Variants in MGAT4A observed in about 807,000 individuals in gnomAD.
The protein encoded by MGAT4A is alpha-1,3-mannosyl-glycoprotein 4-beta-N-acetylglucosaminyltransferase A.
In MGAT4A, 33 loss-of-function variants were observed where a neutral mutation model predicts 74.1. The observed-to-expected ratio is 0.45, with a 90% CI of 0.34 to 0.60. The LOEUF is 0.60. Among genes scored for constraint, MGAT4A ranks in the 20% least tolerant of loss-of-function variants. The probability of loss-of-function intolerance (pLI) is 0.02; values close to 1 mark genes in which losing one functional copy is unlikely to be tolerated. For missense variants in MGAT4A, 479 were observed against 628.3 expected (o/e 0.76, Z 2.54); for synonymous variants, 198 against 210.4 (o/e 0.94, Z 0.51).
At chr2:98,703,605 T>A (rs746515989) in intron 2 of MGAT4A, among the ~76,000 whole-genome samples, 63 of 152,166 alleles carry the variant, frequency 4.1e-4, no homozygotes, top group Non-Finnish European at 7.1e-4. Flanking sequence ...ACCCTCGGCA[T>A]AAAGCTTCCC....
At chr2:98,636,446 C>T in intron 13 of MGAT4A, 71 bp downstream of exon 13, 2 of 1,174,468 alleles carry the variant, frequency 1.7e-6, no homozygotes, top group Non-Finnish European at 2.5e-6. Flanking sequence ...CCCTTAAAAA[C>T]AAGAAAAGCT....
In MGAT4A at chr2:98,623,236, T is replaced by C. The variant is rs116991021; in HGVS notation, c.*2330A>G. The C allele has an allele frequency of 1.0e-6, 1 of 985,352 alleles. No homozygotes were observed. Among genetic ancestry groups the C allele is most frequent in the African/African-American group, 1.7e-5 (1 of 57,310 alleles). The allele number at this position is 985,352 out of a possible 1,614,324, so 61.0% of individuals were successfully genotyped here. On this transcript the variant is annotated 3_prime_UTR_variant, in exon 16 of 16. Coordinates refer to ENST00000393487, the MANE Select transcript of MGAT4A (RefSeq NM_012214.3). ...GAATGAGTTTCTTGGGAACAACAGG[T>C]GGACCAATGCTGGGAGGGCAAACTG...
intron 14 of MGAT4A, among the ~76,000 whole-genome samples, chr2:98,632,360 C>T (rs1369650603): frequency 6.6e-6 from 1 of 152,196 alleles, no homozygotes; most frequent in East Asian, 1.9e-4. Context: ...CCCCATCACA[C>T]GCCCTGAAAG....
chr2:98,655,630 G>T, intron 7 of MGAT4A, 110 bp from the exon 8 acceptor site: 2 of 683,082 alleles, frequency 2.9e-6, no homozygotes, highest in Non-Finnish European at 5.0e-6. Context: ...CTATGTATAT[G>T]TGTACACACA....
intron 2 of MGAT4A, among the ~76,000 whole-genome samples, chr2:98,705,534 G>GA (rs1298078168): frequency 6.6e-6 from 1 of 152,104 alleles, no homozygotes; most frequent in Admixed American, 6.6e-5. Context: ...GCCCTGCTCT[G>GA]GACAGTAAAT....
At chr2:98,641,098 C>A (rs1039455505) in intron 10 of MGAT4A, among the ~76,000 whole-genome samples, 1 of 152,174 alleles carries the variant, frequency 6.6e-6, no homozygotes, top group Non-Finnish European at 1.5e-5. Flanking sequence ...TGTCCTCATG[C>A]ATGGGCCTGG....
chr2:98,662,188 T>C (rs997425509), intron 5 of MGAT4A, among the ~76,000 whole-genome samples: 1 of 152,232 alleles, frequency 6.6e-6, no homozygotes, highest in Non-Finnish European at 1.5e-5. Context: ...TTTTGATAAC[T>C]ATAATATGGC....
In MGAT4A at chr2:98,625,777, T is replaced by A. The variant is rs1413188476; in HGVS notation, c.1527A>T (p.Ser509=). 1 of 1,612,718 alleles carries A rather than the reference T, an allele frequency of 6.2e-7. No homozygotes were observed. Among genetic ancestry groups the A allele is most frequent in the East Asian group, 2.2e-5 (1 of 44,802 alleles). The change falls in exon 15 of 16, where the codon TCA becomes TCT. Residue 509 remains serine (S), a synonymous_variant. Coordinates refer to ENST00000393487, the MANE Select transcript of MGAT4A (RefSeq NM_012214.3). ...GMVDPSLNPI[S]AFRLSVIQNS... Reference sequence around the variant, plus strand: ...TCTGAATAACTGAAAGTCGAAAGGCTGAAATGGGATTGAGACTTGGATCCA... The same window carrying A: ...TCTGAATAACTGAAAGTCGAAAGGCAGAAATGGGATTGAGACTTGGATCCA...
intron 2 of MGAT4A, among the ~76,000 whole-genome samples, chr2:98,685,542 T>G (rs1702117164): frequency 6.7e-6 from 1 of 150,014 alleles, no homozygotes; most frequent in African/African-American, 2.5e-5. Context: ...GAAAAAAAAA[T>G]AAAAGAACTG....
intron 4 of MGAT4A, among the ~76,000 whole-genome samples, chr2:98,666,886 G>A (rs1349083910): frequency 6.6e-6 from 1 of 152,072 alleles, no homozygotes; most frequent in Non-Finnish European, 1.5e-5. Context: ...TTTGGTTTCC[G>A]TTTTGCTTTG....
intron 2 of MGAT4A, among the ~76,000 whole-genome samples, chr2:98,681,068 C>T (rs11892511): frequency 0.017 from 2,540 of 152,218 alleles, 84 homozygotes; most frequent in African/African-American, 0.058. Context: ...CTGCAAGCTC[C>T]GCCTCCCGGG....
intron 2 of MGAT4A, among the ~76,000 whole-genome samples, chr2:98,691,346 G>A (rs912037785): frequency 5.3e-5 from 8 of 152,148 alleles, no homozygotes; most frequent in Non-Finnish European, 1.0e-4. Context: ...GAGCTGAGGC[G>A]GGAGGATCAC....
intron 2 of MGAT4A, among the ~76,000 whole-genome samples, chr2:98,716,389 G>A (rs1399897100): frequency 1.3e-5 from 2 of 150,600 alleles, no homozygotes; most frequent in Admixed American, 6.6e-5. Context: ...AGGCCAAGGC[G>A]GGTAGATCAC....
chr2:98,662,911 A>G lies in MGAT4A; in HGVS notation c.537+135T>C, dbSNP rs2104270976. ...AGTTCAATTTACATTAAACTACCAG[A>G]TAGAATATATTACCTAAGCTTTACT... is the stretch of plus-strand genomic sequence containing the variant. On this transcript the variant is annotated intron_variant, in intron 5 of 15. Transcript: ENST00000393487. 1.0e-5 allele frequency: 6 copies of G among 587,990 alleles called. No individual in the cohort carries two copies. The East Asian group carries it at 1.8e-4, about 18-fold the overall frequency. 36.4% of individuals were successfully genotyped at this position (587,990 alleles called of 1,614,324 possible).
chr2:98,647,597 G>A (rs960473108), intron 8 of MGAT4A, among the ~76,000 whole-genome samples: 1 of 152,226 alleles, frequency 6.6e-6, no homozygotes, highest in African/African-American at 2.4e-5. Context: ...GGGATTACAG[G>A]CGTGAGCCAC....
intron 2 of MGAT4A, among the ~76,000 whole-genome samples, chr2:98,679,268 C>T (rs76909086): frequency 0.22 from 33,254 of 151,622 alleles, 4,473 homozygotes; most frequent in Non-Finnish European, 0.31. Flanking sequence ...TAGCCAGGAG[C>T]GGTGGTGGGC....
At chr2:98,652,453 C>T (rs1275787034) in intron 8 of MGAT4A, among the ~76,000 whole-genome samples, 1 of 151,804 alleles carries the variant, frequency 6.6e-6, no homozygotes, top group Non-Finnish European at 1.5e-5. Flanking sequence ...GCCTCAGCCT[C>T]CCTAGTAGCT....
intron 8 of MGAT4A, among the ~76,000 whole-genome samples, chr2:98,648,543 T>C (rs1268396623): frequency 6.6e-6 from 1 of 151,394 alleles, no homozygotes; most frequent in Non-Finnish European, 1.5e-5. Flanking sequence ...GAGACCCTGT[T>C]TTTACAAAAA....
In MGAT4A at chr2:98,631,253, C is replaced by T. The variant is rs550116242; in HGVS notation, c.1468+3969G>A. Among the ~76,000 whole-genome samples the T allele has an allele frequency of 6.6e-5, 10 of 152,356 alleles. No homozygotes were observed. The South Asian group carries it at 1.0e-3, about 16-fold the overall frequency. ...TCTACTGTTCTTGCCAATGCCTTCA[C>T]GCGTAAGTTGCTACCCAGTCTGATC... On this transcript the variant is annotated intron_variant, in intron 14 of 15. Coordinates refer to ENST00000393487, the MANE Select transcript of MGAT4A (RefSeq NM_012214.3).
Sources: gnomAD v4.1 joint callset for allele counts (sites outside exome capture counted in the v4.1 genomes callset) on GRCh38, gnomAD v4.1.1 for gene constraint, MANE v1.5 for transcripts, NCBI Gene and HGNC (gene_info 2026-07-23, HGNC 2026-07-21) for gene names.